Variants in TLR3 observed in about 807,000 individuals in gnomAD.
The protein encoded by TLR3 is toll-like receptor 3.
A neutral mutation model predicts 66.4 loss-of-function variants in TLR3; 43 were observed. The observed-to-expected ratio is 0.65, with a 90% CI of 0.51 to 0.83. The LOEUF (loss-of-function observed/expected upper bound fraction) is 0.83. Ranked by LOEUF, TLR3 falls within the 40% of genes least tolerant of loss-of-function variation. The pLI, the probability that TLR3 is intolerant of heterozygous loss-of-function variation, is 0.00. For synonymous variants in TLR3, 397 were observed against 397.2 expected (o/e 1.00, Z 0.01); for missense variants, 982 against 1,044.6 (o/e 0.94, Z 0.83).
At chr4:186,081,414 A>C (rs1023388717) in intron 3 of TLR3, among the ~76,000 whole-genome samples, 1 of 152,192 alleles carries the variant, frequency 6.6e-6, no homozygotes, top group Non-Finnish European at 1.5e-5. Context: ...CAGAACAGCC[A>C]AGGCTCTGGT....
In TLR3 at chr4:186,078,479, T is replaced by C. The variant is rs1413384856; in HGVS notation, c.442-361T>C. The stretch of plus-strand genomic sequence containing the variant: ...ATGACACTGTGTGTTTGATAAGCCA[T>C]GTGAAAATTTCTTGCATCATAAGTA... On this transcript the variant is annotated intron_variant, in intron 2 of 4. Transcript: ENST00000296795. Among the ~76,000 whole-genome samples, 4 of 152,340 alleles carry C rather than the reference T, an allele frequency of 2.6e-5. No individual in the cohort carries two copies. In the South Asian group the frequency reaches 8.3e-4, roughly 32 times the overall value.
chr4:186,084,048 C>A lies in TLR3; in HGVS notation c.2362C>A (p.Leu788Met), dbSNP rs761227356. ...GGAAGACCAATCTCTCAAATTTTGT[C>A]TGGAAGAAAGGGACTTTGAGGCGGG... ...EKEDQSLKFCLEERDFEAGVF... is the reference protein window; with the variant it reads ...EKEDQSLKFCMEERDFEAGVF... The change falls in exon 4 of 5, where the codon CTG (leucine) becomes ATG (methionine). Residue 788 changes from leucine (L) to methionine (M), a missense_variant. Coordinates refer to ENST00000296795, the MANE Select transcript of TLR3 (RefSeq NM_003265.3). The A allele has an allele frequency of 6.2e-7, 1 of 1,614,104 alleles. No individual in the cohort carries two copies. The highest frequency in any genetic ancestry group is 8.5e-7 in the Non-Finnish European group (1 of 1,180,028).
intron 1 of TLR3, among the ~76,000 whole-genome samples, chr4:186,074,440 C>A (rs1163828375): frequency 6.6e-6 from 1 of 152,168 alleles, no homozygotes; most frequent in African/African-American, 2.4e-5. Flanking sequence ...CAAAAGGTTA[C>A]AAATGGCACT....
intron 1 of TLR3, among the ~76,000 whole-genome samples, chr4:186,072,271 G>C (rs1173707819): frequency 6.6e-6 from 1 of 152,210 alleles, no homozygotes; most frequent in East Asian, 1.9e-4. Context: ...GCAGGAAGAA[G>C]AGAGAAGGGG....
Position 186,082,331 on chromosome 4 carries a change from G to A in TLR3, c.645G>A (p.Gly215=). ...TTTCCTACCTTTAGTTTTCTCCAGG[G>A]TGTTTTCACGCAATTGGAAGATTAT... ...SSNQIKEFSP[G]CFHAIGRLFG... The change falls in exon 4 of 5, where the codon GGG becomes GGA. Residue 215 remains glycine, a synonymous_variant. Coordinates refer to ENST00000296795, the MANE Select transcript of TLR3 (RefSeq NM_003265.3). The A allele has an allele frequency of 8.7e-6, 14 of 1,608,164 alleles. No homozygotes were observed. Among genetic ancestry groups the A allele is most frequent in the Non-Finnish European group, 1.2e-5 (14 of 1,176,998 alleles).
At chr4:186,072,719 G>A (rs907669259) in intron 1 of TLR3, among the ~76,000 whole-genome samples, 1 of 152,212 alleles carries the variant, frequency 6.6e-6, no homozygotes, top group African/African-American at 2.4e-5. Flanking sequence ...TGCCCCATGA[G>A]CCAGTCACCT....
At chr4:186,073,968 A>T (rs994125040) in intron 1 of TLR3, among the ~76,000 whole-genome samples, 1 of 152,236 alleles carries the variant, frequency 6.6e-6, no homozygotes, top group African/African-American at 2.4e-5. Flanking sequence ...ATTGTTAAAT[A>T]TCGTTAGTCG....
At chr4:186,078,194 A>G (rs780455535) in intron 2 of TLR3, among the ~76,000 whole-genome samples, 1 of 152,194 alleles carries the variant, frequency 6.6e-6, no homozygotes. Flanking sequence ...CTTTGCCTTA[A>G]CTGGTATCGC....
In TLR3 at chr4:186,073,519, C is replaced by CA. The variant is rs796904121; in HGVS notation, c.-7-3084dup. 1.9e-3 allele frequency among the ~76,000 whole-genome samples: 274 copies of CA among 141,734 alleles called. 1 individual carries two copies. Among genetic ancestry groups the CA allele is most frequent in the African/African-American group, 5.4e-3 (209 of 38,576 alleles). 93.0% of individuals were successfully genotyped at this position (141,734 alleles called of 152,430 possible). On this transcript the variant is annotated intron_variant, in intron 1 of 4. Coordinates refer to ENST00000296795, the MANE Select transcript of TLR3 (RefSeq NM_003265.3). ...TGGGTGACAGAGTGAGACTCCATCT[C>CA]AAAAAAAAAACAAAAAACAAGATCT...
intron 2 of TLR3, 149 bp downstream of exon 2, chr4:186,077,209 C>A: frequency 2.4e-6 from 2 of 835,486 alleles, no homozygotes; most frequent in South Asian, 1.8e-5. Context: ...AAAATGCTTC[C>A]AAAAGAGAAA....
intron 1 of TLR3, among the ~76,000 whole-genome samples, chr4:186,074,635 AT>A (rs1348676014): frequency 1.3e-5 from 2 of 152,230 alleles, no homozygotes; most frequent in Non-Finnish European, 2.9e-5. Context: ...TTCAGTAATA[AT>A]TAACTTATTA....
intron 3 of TLR3, 57 bp downstream of exon 3, chr4:186,079,088 CTGTGT>C: frequency 7.0e-7 from 1 of 1,420,522 alleles, no homozygotes; most frequent in South Asian, 1.2e-5. Context: ...TAGTCCCTAT[CTGTGT>C]CACATACACA....
chr4:186,074,643 A>C (rs1266223804), intron 1 of TLR3, among the ~76,000 whole-genome samples: 3 of 152,216 alleles, frequency 2.0e-5, no homozygotes, highest in Non-Finnish European at 2.9e-5. Context: ...TAATTAACTT[A>C]TTATAACTGT....
At position 186,083,303 on chromosome 4, in the gene TLR3, T is replaced by A; in HGVS notation, c.1617T>A (p.His539Gln). The change falls in exon 4 of 5, where the codon CAT becomes CAA. Residue 539 changes from histidine (H) to glutamine (Q), a missense_variant. Coordinates refer to ENST00000296795, the MANE Select transcript of TLR3 (RefSeq NM_003265.3). This position sits in a 1 kb window ranked among gnomAD's most constrained non-coding sequence, Gnocchi z 4.0. The stretch of plus-strand genomic sequence containing the variant: ...AACTAGAAATTCTCGATTTGCAGCA[T>A]AACAACTTAGCACGGCTCTGGAAAC... ...LEKLEILDLQ[H>Q]NNLARLWKHA... is the part of the protein sequence containing the mutation. 6.2e-7 allele frequency: 1 copy of A among 1,614,182 alleles called. No homozygotes were observed. The highest frequency in any genetic ancestry group is 8.5e-7 in the Non-Finnish European group (1 of 1,180,032).
rs940307198 is a variant in TLR3 at position 186,086,840 on chromosome 4, T to C, written c.*1967T>C. ...GGTTCTTGGTGCTTTGAACAAGGAA[T>C]TGGACAAAATGCACAAAGAATGAGG... On this transcript the variant is annotated 3_prime_UTR_variant, in exon 5 of 5. Coordinates refer to ENST00000296795, the MANE Select transcript of TLR3 (RefSeq NM_003265.3). 3.9e-5 allele frequency: 6 copies of C among 152,144 alleles called. No individual in the cohort carries two copies. Among genetic ancestry groups the C allele is most frequent in the Admixed American group, 2.0e-4 (3 of 15,256 alleles). 9.4% of individuals were successfully genotyped at this position (152,144 alleles called of 1,614,324 possible). A position where few individuals can be genotyped will look rare whatever the true frequency, so the allele number is the denominator to read the frequency against.
In TLR3 at chr4:186,077,051, C is replaced by T. The variant is rs777194678; in HGVS notation, c.432C>T (p.Val144=). 7 of 1,613,680 alleles carry T rather than the reference C, an allele frequency of 4.3e-6. No individual in the cohort carries two copies. In the Admixed American group the frequency reaches 1.2e-4, roughly 27 times the overall value. Residue 144 remains valine, a synonymous_variant, in exon 2 of 5, where the codon GTC becomes GTT. Transcript: ENST00000296795. ...SIQKIKNNPF[V]KQKNLITLDL... ...AGAAAATTAAAAATAATCCCTTTGTCAAGCAGAAGGTAAGTTGAAAATGTC... is the reference window on the plus strand; with the variant it reads ...AGAAAATTAAAAATAATCCCTTTGTTAAGCAGAAGGTAAGTTGAAAATGTC...
rs1196928205 is a variant in TLR3 at position 186,087,625 on chromosome 4, T to C, written c.*2752T>C. ...GTATTTAGGTTGTACCTAAAAATGA[T>C]AACTTTTAGACTGTAATCAGAGGTA... On this transcript the variant is annotated 3_prime_UTR_variant, in exon 5 of 5. Transcript: ENST00000296795. 2 of 152,228 alleles carry C rather than the reference T, an allele frequency of 1.3e-5. No individual in the cohort carries two copies. Among genetic ancestry groups the C allele is most frequent in the South Asian group, 2.1e-4 (1 of 4,826 alleles). 9.4% of individuals were successfully genotyped at this position (152,228 alleles called of 1,614,324 possible).
At position 186,082,437 on chromosome 4, in the gene TLR3, C is replaced by T. The variant is rs780051344; in HGVS notation, c.751C>T (p.Arg251Trp). The stretch of plus-strand genomic sequence containing the variant: ...TTTGGAATTAGCAAACACAAGCATT[C>T]GGAATCTGTCTCTGAGTAACAGCCA... ...LCLELANTSI[R>W]NLSLSNSQLS... Residue 251 changes from arginine to tryptophan, a missense_variant, in exon 4 of 5, where the codon CGG (arginine) becomes TGG (tryptophan). By Grantham distance (101) the Arg-to-Trp change is moderately radical. This residue lies in a region of TLR3 where 313 missense variants were observed against 319.0 expected (regional missense o/e 0.98). Transcript: ENST00000296795. 6.2e-7 allele frequency: 1 copy of T among 1,614,062 alleles called. No homozygotes were observed. Among genetic ancestry groups the T allele is most frequent in the Non-Finnish European group, 8.5e-7 (1 of 1,180,012 alleles).
chr4:186,073,286 G>A lies in TLR3; in HGVS notation c.-7-3327G>A, dbSNP rs142672748. 5.4e-3 allele frequency among the ~76,000 whole-genome samples: 815 copies of A among 152,248 alleles called. 6 individuals carry two copies. Among genetic ancestry groups the A allele is most frequent in the Non-Finnish European group, 8.9e-3 (602 of 68,012 alleles). On this transcript the variant is annotated intron_variant, in intron 1 of 4. Coordinates refer to ENST00000296795, the MANE Select transcript of TLR3 (RefSeq NM_003265.3). ...TATAATCCCAGCACTTTGGGAGGCC[G>A]AGGTGGATGGATTACCTGAGGTCAG... is the stretch of plus-strand genomic sequence containing the variant.
Sources: gnomAD v4.1 joint callset for allele counts (sites outside exome capture counted in the v4.1 genomes callset) on GRCh38, gnomAD v4.1.1 for gene constraint, gnomAD v4.1.1 regional missense constraint, Gnocchi (gnomAD v3.1) non-coding constraint, MANE v1.5 for transcripts, NCBI Gene and HGNC (gene_info 2026-07-23, HGNC 2026-07-21) for gene names.